The following CDC42BPA variants were observed in gnomAD, a reference collection of about 807,000 sequenced individuals.
CDC42BPA encodes CDC42 binding protein kinase alpha.
A neutral mutation model predicts 223.5 loss-of-function variants in CDC42BPA; 80 were observed. The ratio of observed to expected loss-of-function variants is 0.36; its 90% CI spans 0.30 to 0.43. The LOEUF is 0.43. Ranked by LOEUF, CDC42BPA falls within the 20% of genes least tolerant of loss-of-function variation. CDC42BPA has a pLI of 1.00. For missense variants in CDC42BPA, 1,743 were observed against 2,099.9 expected, an observed-to-expected ratio of 0.83 and a Z score of 3.32; for synonymous variants, 694 against 718.6, an observed-to-expected ratio of 0.97 and a Z score of 0.55.
intron 15 of CDC42BPA, among the ~76,000 whole-genome samples, chr1:227,095,397 C>T (rs1285512836): frequency 6.6e-6 from 1 of 152,040 alleles, no homozygotes; most frequent in Non-Finnish European, 1.5e-5. Context: ...ATTAAATTTC[C>T]AACAGTTCTA....
At chr1:227,272,386 G>C (rs1007745386) in intron 1 of CDC42BPA, among the ~76,000 whole-genome samples, 1 of 151,966 alleles carries the variant, frequency 6.6e-6, no homozygotes, top group South Asian at 2.1e-4. Context: ...TAAAGGAAAA[G>C]ATTTAACTAA....
intron 17 of CDC42BPA, 110 bp downstream of exon 17, chr1:227,080,783 C>T (rs746276546): frequency 1.3e-4 from 163 of 1,225,980 alleles, no homozygotes; most frequent in Non-Finnish European, 1.9e-4. Flanking sequence ...ACTTATTTAT[C>T]ACATCTGACA....
chr1:227,124,498 C>A (rs1689192030), intron 11 of CDC42BPA, among the ~76,000 whole-genome samples: 1 of 151,376 alleles, frequency 6.6e-6, no homozygotes, highest in African/African-American at 2.4e-5. Context: ...TCTTCAGAGC[C>A]AAATTAAAGT....
chr1:227,312,888 C>A (rs1693764051), intron 1 of CDC42BPA, among the ~76,000 whole-genome samples: 1 of 152,104 alleles, frequency 6.6e-6, no homozygotes, highest in African/African-American at 2.4e-5. Flanking sequence ...TCCAGCCATG[C>A]AGGACGGGGT....
At chr1:227,130,582 C>T (rs189758162) in intron 10 of CDC42BPA, among the ~76,000 whole-genome samples, 2 of 144,592 alleles carry the variant, frequency 1.4e-5, no homozygotes, top group East Asian at 2.1e-4. Flanking sequence ...GGTGTAGGTG[C>T]GGTGGCTCAT....
At chr1:227,242,217 T>G (rs944008822) in intron 2 of CDC42BPA, among the ~76,000 whole-genome samples, 4 of 152,104 alleles carry the variant, frequency 2.6e-5, no homozygotes, top group Non-Finnish European at 5.9e-5. Flanking sequence ...AAAAGTTAGC[T>G]CCTATTAATG....
chr1:227,265,651 C>G (rs1445447510), intron 1 of CDC42BPA, among the ~76,000 whole-genome samples: 1 of 150,912 alleles, frequency 6.6e-6, no homozygotes, highest in South Asian at 2.1e-4. Context: ...AAAAAAGATT[C>G]AAAAATTATT....
At chr1:227,304,059 T>C (rs1692129787) in intron 1 of CDC42BPA, among the ~76,000 whole-genome samples, 1 of 152,216 alleles carries the variant, frequency 6.6e-6, no homozygotes, top group African/African-American at 2.4e-5. Context: ...AGTACTTGTT[T>C]ACAAATTGCC....
intron 2 of CDC42BPA, among the ~76,000 whole-genome samples, chr1:227,218,675 T>C (rs1675305679): frequency 2.0e-5 from 3 of 152,210 alleles, no homozygotes; most frequent in Admixed American, 2.0e-4. Flanking sequence ...AATAGTTATA[T>C]AAGTACTGAA....
chr1:226,997,374 A>G (rs964834608), intron 35 of CDC42BPA, among the ~76,000 whole-genome samples: 1 of 151,902 alleles, frequency 6.6e-6, no homozygotes. Context: ...CTAGCGGCCT[A>G]TTTTGTTAAT....
At chr1:227,251,358 T>C (rs1681971579) in intron 2 of CDC42BPA, among the ~76,000 whole-genome samples, 1 of 152,064 alleles carries the variant, frequency 6.6e-6, no homozygotes, top group African/African-American at 2.4e-5. Context: ...ATTTAAAATA[T>C]TCCATTAATC....
chr1:227,083,848 T>C (rs190641860), intron 16 of CDC42BPA, among the ~76,000 whole-genome samples: 74 of 152,314 alleles, frequency 4.9e-4, no homozygotes, highest in African/African-American at 1.6e-3. Flanking sequence ...AACTGAAAGT[T>C]TGAATTATTT....
chr1:227,213,504 C>T (rs1674303542), intron 2 of CDC42BPA, among the ~76,000 whole-genome samples: 1 of 152,106 alleles, frequency 6.6e-6, no homozygotes, highest in African/African-American at 2.4e-5. Context: ...ACACATTAAT[C>T]CCCCTTTCCA....
chr1:227,090,540 G>A (rs551901517), intron 16 of CDC42BPA, among the ~76,000 whole-genome samples: 13 of 152,296 alleles, frequency 8.5e-5, no homozygotes, highest in African/African-American at 7.2e-5. Context: ...GCCAGGCATG[G>A]TGGCTCACGC....
intron 14 of CDC42BPA, among the ~76,000 whole-genome samples, chr1:227,107,394 TG>T (rs1227518483): frequency 6.6e-6 from 1 of 152,064 alleles, no homozygotes; most frequent in Non-Finnish European, 1.5e-5. Flanking sequence ...GCCTGGAACT[TG>T]GGTGAATTTA....
At chr1:227,127,477 G>A (rs1043663500) in intron 11 of CDC42BPA, among the ~76,000 whole-genome samples, 1 of 152,202 alleles carries the variant, frequency 6.6e-6, no homozygotes, top group East Asian at 1.9e-4. Context: ...ATTAAAAAGA[G>A]GAGAGATATG....
In CDC42BPA at chr1:227,295,038, G is replaced by T. The variant is rs1296347662; in HGVS notation, c.178+21967C>A. ...AGCACAAAAATGACAAATCTGCTAT[G>T]TTACAGCAGTGAAAATTTTTTTCTG... is the stretch of plus-strand genomic sequence containing the variant. On this transcript the variant is annotated intron_variant, in intron 1 of 36. Coordinates refer to ENST00000366766, the MANE Select transcript of CDC42BPA (RefSeq NM_001394014.1). Among the ~76,000 whole-genome samples the T allele has an allele frequency of 4.6e-5, 7 of 151,696 alleles. No homozygotes were observed. In the East Asian group the frequency reaches 1.3e-3, roughly 29 times the overall value.
rs185646043 is a variant in CDC42BPA at position 227,317,774 on chromosome 1, G to C, written c.-592C>G. 8 of 398,622 alleles carry C rather than the reference G, an allele frequency of 2.0e-5. No homozygotes were observed. The highest frequency in any genetic ancestry group is 1.8e-4 in the Admixed American group (4 of 22,742). The allele number at this position is 398,622 out of a possible 1,614,324, so 24.7% of individuals were successfully genotyped here. A position where few individuals can be genotyped will look rare whatever the true frequency, so the allele number is the denominator to read the frequency against. Reference sequence around the variant, plus strand: ...CAATTTCTCCAGCGGGAAAGGGAGGGGGCGAGGTCCCTGAAGCAGCCCCTC... The same window carrying C: ...CAATTTCTCCAGCGGGAAAGGGAGGCGGCGAGGTCCCTGAAGCAGCCCCTC... On this transcript the variant is annotated 5_prime_UTR_variant, in exon 1 of 37. Coordinates refer to ENST00000366766, the MANE Select transcript of CDC42BPA (RefSeq NM_001394014.1).
At chr1:227,113,630 G>A (rs1321037757) in intron 12 of CDC42BPA, among the ~76,000 whole-genome samples, 2 of 151,708 alleles carry the variant, frequency 1.3e-5, no homozygotes, top group African/African-American at 4.8e-5. Flanking sequence ...AAGGAATAAA[G>A]GATGAAATAA....
Sources: gnomAD v4.1 joint callset for allele counts (sites outside exome capture counted in the v4.1 genomes callset) on GRCh38, gnomAD v4.1.1 for gene constraint, MANE v1.5 for transcripts, NCBI Gene and HGNC (gene_info 2026-07-23, HGNC 2026-07-21) for gene names.